Variants in SMIM45 observed in about 807,000 individuals in gnomAD.
The protein encoded by SMIM45 is long intergenic non-protein coding RNA 634.
At chr22:41,946,969 C>T in the SMIM45 span, 2 of 1,590,930 alleles carry the variant, frequency 1.3e-6, no homozygotes, top group Non-Finnish European at 1.7e-6. Flanking sequence ...GTGGCTGAAG[C>T]ACCGCCCAGG....
chr22:41,947,669 C>CTT, the SMIM45 span, among the ~76,000 whole-genome samples: 1,163 of 125,232 alleles, frequency 9.3e-3, 20 homozygotes, highest in African/African-American at 0.033. Context: ...GTGCCTGGCC[C>CTT]TTTTTTTTTT....
the SMIM45 span, among the ~76,000 whole-genome samples, chr22:41,950,587 A>G: frequency 6.6e-6 from 1 of 152,134 alleles, no homozygotes; most frequent in Non-Finnish European, 1.5e-5. Context: ...GGTCCAAGCT[A>G]CTCGGGAGGC....
the SMIM45 span, among the ~76,000 whole-genome samples, chr22:41,948,743 C>T: frequency 6.6e-6 from 1 of 152,060 alleles, no homozygotes; most frequent in Non-Finnish European, 1.5e-5. Flanking sequence ...TATAGTGAGA[C>T]CTCATCTCTA....
the SMIM45 span, among the ~76,000 whole-genome samples, chr22:41,953,736 A>G: frequency 8.2e-6 from 1 of 122,510 alleles, no homozygotes; most frequent in African/African-American, 2.9e-5. Flanking sequence ...GTGATCTGTG[A>G]TCTGTTTTTT....
the SMIM45 span, among the ~76,000 whole-genome samples, chr22:41,947,914 T>C: frequency 2.0e-5 from 3 of 152,294 alleles, no homozygotes; most frequent in South Asian, 6.2e-4. Flanking sequence ...GGACTACCGC[T>C]GCACACCAGC....
the SMIM45 span, among the ~76,000 whole-genome samples, chr22:41,954,209 T>TTTC: frequency 6.9e-6 from 1 of 143,990 alleles, no homozygotes; most frequent in African/African-American, 2.7e-5. Flanking sequence ...TGAATTTTTT[T>TTTC]TTTTTTTTTT....
the SMIM45 span, chr22:41,958,914 A>C: frequency 1.3e-5 from 2 of 159,078 alleles, no homozygotes; most frequent in Non-Finnish European, 2.8e-5. Context: ...ATTCTCAATA[A>C]TAAAGACTTC....
chr22:41,952,928 C>T, the SMIM45 span, among the ~76,000 whole-genome samples: 1 of 152,140 alleles, frequency 6.6e-6, no homozygotes, highest in Non-Finnish European at 1.5e-5. Flanking sequence ...ACACAGGGAG[C>T]AGCCTCCCTG....
At chr22:41,958,190 G>A in the SMIM45 span, 1,088 of 409,938 alleles carry the variant, frequency 2.7e-3, 16 homozygotes, top group African/African-American at 0.021. Flanking sequence ...GCGCTGCGCA[G>A]CACTCTGCCC....
the SMIM45 span, among the ~76,000 whole-genome samples, chr22:41,955,889 G>A: frequency 6.6e-6 from 1 of 152,102 alleles, no homozygotes; most frequent in Non-Finnish European, 1.5e-5. Flanking sequence ...GGAAACTGAG[G>A]CTCAGAGAAT....
At chr22:41,950,941 G>A in the SMIM45 span, among the ~76,000 whole-genome samples, 1 of 152,332 alleles carries the variant, frequency 6.6e-6, no homozygotes, top group African/African-American at 2.4e-5. Context: ...GCAGTGAGCC[G>A]AGATTGCGCC....
chr22:41,957,621 G>A, the SMIM45 span: 1 of 152,846 alleles, frequency 6.5e-6, no homozygotes, highest in African/African-American at 2.4e-5. Context: ...CCTCTGGGTG[G>A]GCGGGACAGG....
At chr22:41,953,697 C>CATCAT in the SMIM45 span, among the ~76,000 whole-genome samples, 1 of 148,410 alleles carries the variant, frequency 6.7e-6, no homozygotes, top group Non-Finnish European at 1.5e-5. Context: ...ATAGGCCCTG[C>CATCAT]ATCATCCTGT....
chr22:41,954,999 G>A, the SMIM45 span, among the ~76,000 whole-genome samples: 25 of 152,000 alleles, frequency 1.6e-4, no homozygotes, highest in Admixed American at 1.4e-3. Flanking sequence ...ATGAGACTCT[G>A]TCTCAAAAAC....
the SMIM45 span, chr22:41,957,861 A>G: frequency 6.3e-6 from 1 of 157,858 alleles, no homozygotes; most frequent in East Asian, 1.9e-4. Flanking sequence ...ATGGTGCGCG[A>G]CAACCTGGCC....
At chr22:41,953,828 G>A in the SMIM45 span, among the ~76,000 whole-genome samples, 175 of 138,144 alleles carry the variant, frequency 1.3e-3, no homozygotes, top group Admixed American at 2.3e-3. Context: ...TCGGCTCACT[G>A]CAAGCTCTGC....
chr22:41,950,543 C>A, the SMIM45 span, among the ~76,000 whole-genome samples: 1 of 151,754 alleles, frequency 6.6e-6, no homozygotes, highest in Non-Finnish European at 1.5e-5. Flanking sequence ...ACAAAAAGTA[C>A]AAAAATCAGC....
the SMIM45 span, among the ~76,000 whole-genome samples, chr22:41,949,585 G>C: frequency 6.6e-6 from 1 of 152,260 alleles, no homozygotes; most frequent in Non-Finnish European, 1.5e-5. Context: ...GCTGGGAAAA[G>C]ACTTTGGACT....
the SMIM45 span, among the ~76,000 whole-genome samples, chr22:41,950,915 C>T: frequency 3.9e-5 from 6 of 152,212 alleles, no homozygotes; most frequent in Admixed American, 3.9e-4. Flanking sequence ...TCGCTTGAAC[C>T]CGGGAGGTAG....
Sources: gnomAD v4.1 joint callset for allele counts (sites outside exome capture counted in the v4.1 genomes callset) on GRCh38, gnomAD v4.1.1 for gene constraint, MANE v1.5 for transcripts, NCBI Gene and HGNC (gene_info 2026-07-23, HGNC 2026-07-21) for gene names.